The following SCARF2 variants were observed in gnomAD, a reference collection of about 807,000 sequenced individuals.
The protein encoded by SCARF2 is scavenger receptor class F member 2.
A neutral mutation model predicts 73.4 loss-of-function variants in SCARF2; 39 were observed. The ratio of observed to expected loss-of-function variants is 0.53; its 90% confidence interval spans 0.41 to 0.69. SCARF2 has a LOEUF of 0.69. Among genes scored for constraint, SCARF2 ranks in the 30% least tolerant of loss-of-function variants. The probability of loss-of-function intolerance (pLI) is 0.00; values close to 1 mark genes in which losing one functional copy is unlikely to be tolerated. For missense variants in SCARF2, 1,148 were observed against 1,303.5 expected (o/e 0.88, Z 1.84); for synonymous variants, 605 against 590.0 (o/e 1.03, Z -0.37).
At chr22:20,428,270 T>TTCTCC (rs1397286075) in intron 9 of SCARF2, among the ~76,000 whole-genome samples, 84 of 137,702 alleles carry the variant, frequency 6.1e-4, no homozygotes, top group Middle Eastern at 3.5e-3. Context: ...TTCTCTTCTC[T>TTCTCC]TCTCCTCTCC....
Position 20,426,194 on chromosome 22 carries a change from G to C in SCARF2, c.1782C>G (p.Ala594=). The C allele has an allele frequency of 6.6e-7, 1 of 1,518,214 alleles. No individual in the cohort carries two copies. Among genetic ancestry groups the C allele is most frequent in the South Asian group, 1.2e-5 (1 of 81,952 alleles). The allele number at this position is 1,518,214 out of a possible 1,614,324, so 94.0% of individuals were successfully genotyped here. The change falls in exon 11 of 11, where the codon GCC becomes GCG. Residue 594 remains alanine (A), a synonymous_variant. Transcript: ENST00000622235. The part of the protein sequence containing the change: ...APSPVPLTTP[A]SAEEAIPLPA... ...GGAGGGGTATCGCCTCCTCGGCGGA[G>C]GCTGGCGTGGTCAAGGGCACAGGGG... is the stretch of plus-strand genomic sequence containing the variant.
chr22:20,426,938 A>G (rs77222143), intron 10 of SCARF2, among the ~76,000 whole-genome samples: 1 of 150,194 alleles, frequency 6.7e-6, no homozygotes, highest in Admixed American at 6.6e-5. Context: ...AAAAAAAAAA[A>G]AGAGCGATAA....
chr22:20,431,855 G>C lies in SCARF2; in HGVS notation c.233-9C>G. 6.3e-7 allele frequency: 1 copy of C among 1,597,402 alleles called. No homozygotes were observed. Among genetic ancestry groups the C allele is most frequent in the Non-Finnish European group, 8.5e-7 (1 of 1,172,960 alleles). ...GTTGCCTTCGCACACCGCTGTGGAC[G>C]AGACAGGCCAGAGCTGCTGCGCGTC... On this transcript the variant is annotated splice_polypyrimidine_tract_variant and intron_variant, in intron 2 of 10. Coordinates refer to ENST00000622235, the MANE Select transcript of SCARF2 (RefSeq NM_182895.5).
rs546921879 is a variant in SCARF2, at chr22:20,427,505, T to C, written c.1586A>G (p.Glu529Gly). Reference protein sequence around the residue: ...LDNTLNCSFLEPPSGLEQPSP... With the variant: ...LDNTLNCSFLGPPSGLEQPSP... ...GGGCTGCTCCAGCCCTGAGGGTGGC[T>C]CCAGGAAGCTGCAGTTGAGTGTGTT... The change falls in exon 10 of 11, where the codon GAG becomes GGG. Residue 529 changes from glutamate to glycine, a missense_variant. By Grantham distance (98) the Glu-to-Gly change is moderately conservative. Around this residue, in one of 5 missense-constraint regions of SCARF2, gnomAD observed 437 missense variants for 433.6 expected, o/e 1.01. Coordinates refer to ENST00000622235, the MANE Select transcript of SCARF2 (RefSeq NM_182895.5). 1.2e-6 allele frequency: 2 copies of C among 1,613,924 alleles called. No homozygotes were observed. Among genetic ancestry groups the C allele is most frequent in the South Asian group, 2.2e-5 (2 of 91,072 alleles).
chr22:20,427,621 G>A (rs753146692), intron 9 of SCARF2, 71 bp from the exon 10 acceptor site: 87 of 1,571,200 alleles, frequency 5.5e-5, no homozygotes, highest in Non-Finnish European at 7.1e-5. Flanking sequence ...AGCCCCTGCT[G>A]TGACAAATGT....
Position 20,426,115 on chromosome 22 carries a change from C to G in SCARF2, c.1861G>C (p.Ala621Pro). Residue 621 changes from alanine (A) to proline (P), a missense_variant, in exon 11 of 11, where the codon GCT becomes CCT. Physicochemically the swap from Ala to Pro is conservative, Grantham distance 27. Coordinates refer to ENST00000622235, the MANE Select transcript of SCARF2 (RefSeq NM_182895.5). ...CGTCGGGCCACGCGCGCGTACAGAG[C>G]CCCTCCGGGCCCCTCCACGCTGGAC... ...SASSVEGPGG[A>P]LYARVARREA... The G allele has an allele frequency of 6.8e-7, 1 of 1,464,454 alleles. No individual in the cohort carries two copies. The highest frequency in any genetic ancestry group is 1.4e-5 in the South Asian group (1 of 72,890). The allele number at this position is 1,464,454 out of a possible 1,614,324, so 90.7% of individuals were successfully genotyped here.
At position 20,429,562 on chromosome 22, in the gene SCARF2, A is replaced by G. The variant is rs1234985435; in HGVS notation, c.1398T>C (p.Ala466=). ...GGCGCGTAGGGTCCTTGCCGCGGCAAGCGCAGCAGCAGCCGAGCAGCGAGA... is the reference window on the plus strand; with the variant it reads ...GGCGCGTAGGGTCCTTGCCGCGGCAGGCGCAGCAGCAGCCGAGCAGCGAGA... The part of the protein sequence containing the change: ...LLLSLLGCCC[A]CRGKDPTRRE... The change falls in exon 8 of 11, where the codon GCT becomes GCC. Residue 466 remains alanine, a synonymous_variant. Transcript: ENST00000622235. This position sits in a 1 kb window ranked among gnomAD's most constrained non-coding sequence, Gnocchi z 5.2. The G allele has an allele frequency of 6.2e-7, 1 of 1,613,128 alleles. No individual in the cohort carries two copies. Among genetic ancestry groups the G allele is most frequent in the African/African-American group, 1.3e-5 (1 of 75,040 alleles).
Position 20,425,300 on chromosome 22 carries a change from G to T in SCARF2, c.*75C>A, listed in dbSNP as rs1330954547. 4.0e-6 allele frequency: 5 copies of T among 1,236,158 alleles called. No homozygotes were observed. The African/African-American group carries it at 4.7e-5, about 12-fold the overall frequency. 76.6% of individuals were successfully genotyped at this position (1,236,158 alleles called of 1,614,324 possible). ...GGCCAATAGGAGGCCGCCCGTGCCC[G>T]GTAGCGTGGGAGGTGTGGGGTGGCG... On this transcript the variant is annotated 3_prime_UTR_variant, in exon 11 of 11. Coordinates refer to ENST00000622235, the MANE Select transcript of SCARF2 (RefSeq NM_182895.5). The surrounding 1 kb of genome is among the most constrained non-coding windows in gnomAD (Gnocchi z 4.6).
chr22:20,436,236 G>A (rs1020390623), intron 1 of SCARF2, among the ~76,000 whole-genome samples: 1 of 152,236 alleles, frequency 6.6e-6, no homozygotes, highest in African/African-American at 2.4e-5. Context: ...CTGCAGACCA[G>A]GGGAGCGGGA....
chr22:20,427,646 A>G (rs1173273724), intron 9 of SCARF2, 96 bp from the exon 10 acceptor site: 45 of 1,445,324 alleles, frequency 3.1e-5, no homozygotes, highest in Non-Finnish European at 3.6e-5. Flanking sequence ...GGGGTGACCA[A>G]GACCAGCCCT....
chr22:20,436,571 C>T (rs2052702073), intron 1 of SCARF2, among the ~76,000 whole-genome samples: 2 of 151,120 alleles, frequency 1.3e-5, no homozygotes, highest in African/African-American at 4.8e-5. Context: ...CTCGCAGCCC[C>T]TTGTCTCTGG....
Position 20,429,450 on chromosome 22 carries a change from G to A in SCARF2, c.1424+86C>T. On this transcript the variant is annotated intron_variant, in intron 8 of 10. Transcript: ENST00000622235. The surrounding 1 kb of genome is among the most constrained non-coding windows in gnomAD (Gnocchi z 5.2). ...GGGGCGGGGCCACGTCCGGGGCAGG[G>A]GCGCGGAAGGGTTGGATCTGGGTCC... 1 of 1,575,048 alleles carries A rather than the reference G, an allele frequency of 6.3e-7. No individual in the cohort carries two copies. Among genetic ancestry groups the A allele is most frequent in the Non-Finnish European group, 8.6e-7 (1 of 1,162,608 alleles).
At position 20,437,638 on chromosome 22, in the gene SCARF2, G is replaced by A. The variant is rs747128159; in HGVS notation, c.117C>T (p.Asp39=). ...LLLLLLWMLP[D]TVAPQELNPR... is the part of the protein sequence containing the mutation. ...GGTTCAGTTCCTGAGGCGCCACGGT[G>A]TCCGGCAGCATCCAGAGCAGCAGCA... Residue 39 remains aspartate (D), a synonymous_variant, in exon 1 of 11, where the codon GAC becomes GAT. Coordinates refer to ENST00000622235, the MANE Select transcript of SCARF2 (RefSeq NM_182895.5). 2.3e-5 allele frequency: 36 copies of A among 1,559,848 alleles called. No homozygotes were observed. Among genetic ancestry groups the A allele is most frequent in the Non-Finnish European group, 3.4e-6 (4 of 1,160,120 alleles).
At chr22:20,428,053 C>T (rs1230690256) in intron 9 of SCARF2, among the ~76,000 whole-genome samples, 1 of 152,138 alleles carries the variant, frequency 6.6e-6, no homozygotes, top group Non-Finnish European at 1.5e-5. Context: ...CAACAGGGGG[C>T]CCCAGAAGCT....
At chr22:20,436,242 C>T (rs1426934344) in intron 1 of SCARF2, among the ~76,000 whole-genome samples, 1 of 152,210 alleles carries the variant, frequency 6.6e-6, no homozygotes. Context: ...ACCAGGGGAG[C>T]GGGAGCAAAG....
chr22:20,426,354 C>T, intron 10 of SCARF2, 72 bp from the exon 11 acceptor site: 1 of 1,495,842 alleles, frequency 6.7e-7, no homozygotes, highest in Non-Finnish European at 8.9e-7. Flanking sequence ...CAGGCGCAAA[C>T]CTTCACCTTT....
rs1283877023 is a variant in SCARF2 at position 20,425,929 on chromosome 22, G to C, written c.2047C>G (p.Pro683Ala). Residue 683 changes from proline (P) to alanine (A), a missense_variant, in exon 11 of 11, where the codon CCA becomes GCA. Around this residue, in one of 5 missense-constraint regions of SCARF2, gnomAD observed 437 missense variants for 433.6 expected, o/e 1.01. Transcript: ENST00000622235. The surrounding 1 kb of genome is among the most constrained non-coding windows in gnomAD (Gnocchi z 4.6). The stretch of plus-strand genomic sequence containing the variant: ...GCGGCCTCGGAGCCTGGCGGCGGTG[G>C]TGAGGGCGCACGGCCAGCTGCAGCG... The part of the protein sequence containing the change: ...SAAAAGRAPS[P>A]PPPGSEAAPS... The C allele has an allele frequency of 1.9e-6, 3 of 1,596,888 alleles. No individual in the cohort carries two copies. The highest frequency in any genetic ancestry group is 2.6e-6 in the Non-Finnish European group (3 of 1,175,198).
Position 20,431,307 on chromosome 22 carries a change from C to T in SCARF2, c.565G>A (p.Ala189Thr), listed in dbSNP as rs779264604. ...GTCTGTGGGTCGCAGCGCGACGTGGCGCTGCAGTAGCACGCGCTGGCGCAC... is the reference window on the plus strand; with the variant it reads ...GTCTGTGGGTCGCAGCGCGACGTGGTGCTGCAGTAGCACGCGCTGGCGCAC... ...AQCASACYCSATSRCDPQTGA... is the reference protein window; with the variant it reads ...AQCASACYCSTTSRCDPQTGA... Residue 189 changes from alanine to threonine, a missense_variant, in exon 4 of 11, where the codon GCC becomes ACC. Ala to Thr is a moderately conservative substitution (Grantham distance 58). This residue lies in a region of SCARF2 where 372 missense variants were observed against 532.0 expected (regional missense o/e 0.70). Transcript: ENST00000622235. 6.0e-5 allele frequency: 91 copies of T among 1,520,556 alleles called. 1 individual carries two copies. The African/African-American group carries it at 1.2e-3, about 19-fold the overall frequency. The allele number at this position is 1,520,556 out of a possible 1,614,324, so 94.2% of individuals were successfully genotyped here.
Position 20,431,368 on chromosome 22 carries a change from G to A in SCARF2, c.504C>T (p.Gly168=), listed in dbSNP as rs1419020109. The A allele has an allele frequency of 2.6e-6, 4 of 1,518,998 alleles. No homozygotes were observed. Among genetic ancestry groups the A allele is most frequent in the African/African-American group, 2.8e-5 (2 of 70,598 alleles). 94.1% of individuals were successfully genotyped at this position (1,518,998 alleles called of 1,614,324 possible). A position where few individuals can be genotyped will look rare whatever the true frequency, so the allele number is the denominator to read the frequency against. The change falls in exon 4 of 11, where the codon GGC becomes GGT. Residue 168 remains glycine (G), a synonymous_variant. Transcript: ENST00000622235. Reference sequence around the variant, plus strand: ...ACCAGCCGGGCTCACAGCGGCACGCGCCGCTCCGCGGGTGGCACGTGCCGT... The same window carrying A: ...ACCAGCCGGGCTCACAGCGGCACGCACCGCTCCGCGGGTGGCACGTGCCGT... ...CQHGTCHPRS[G]ACRCEPGWWG...
Sources: allele counts gnomAD v4.1 joint callset (sites outside exome capture counted in the v4.1 genomes callset), GRCh38; gene constraint gnomAD v4.1.1; regional missense constraint gnomAD v4.1.1; non-coding constraint Gnocchi (gnomAD v3.1); transcripts MANE v1.5; gene names NCBI Gene and HGNC (gene_info 2026-07-23, HGNC 2026-07-21).